RBFOX1: variants seen among roughly 807,000 people sequenced by gnomAD.
RBFOX1 encodes RNA binding fox-1 homolog 1.
RBFOX1 carries 8 observed loss-of-function variants against 57.7 expected under a neutral mutation model. The ratio of observed to expected loss-of-function variants is 0.14; its 90% CI spans 0.08 to 0.25. The LOEUF (loss-of-function observed/expected upper bound fraction) is 0.25. RBFOX1 is among the 10% of genes least tolerant of loss of function. The pLI, the probability that RBFOX1 is intolerant of heterozygous loss-of-function variation, is 1.00. For missense variants in RBFOX1, 611 were observed against 548.5 expected (o/e 1.11, Z -1.14); for synonymous variants, 326 against 222.4 (o/e 1.47, Z -4.15).
At chr16:5,310,472 A>G (rs1224410555) in intron 1 of RBFOX1, among the ~76,000 whole-genome samples, 2 of 152,084 alleles carry the variant, frequency 1.3e-5, no homozygotes, top group African/African-American at 4.8e-5. Flanking sequence ...TTCCAGGTAT[A>G]GTGAACTCAG....
At chr16:6,761,679 G>C (rs1232747372) in intron 3 of RBFOX1, among the ~76,000 whole-genome samples, 2 of 151,186 alleles carry the variant, frequency 1.3e-5, no homozygotes, top group Non-Finnish European at 3.0e-5. Context: ...GCTAATATTT[G>C]TATTTTTAGT....
At chr16:5,614,884 A>C (rs886239288) in intron 3 of RBFOX1, among the ~76,000 whole-genome samples, 2 of 152,210 alleles carry the variant, frequency 1.3e-5, no homozygotes, top group Non-Finnish European at 2.9e-5. Context: ...ACATGACATG[A>C]CAGAGGAGGA....
At chr16:7,511,481 C>T (rs1356820090) in intron 4 of RBFOX1, among the ~76,000 whole-genome samples, 1 of 152,160 alleles carries the variant, frequency 6.6e-6, no homozygotes, top group East Asian at 1.9e-4. Context: ...ATTCTCTGAG[C>T]ATCAGAAGAG....
chr16:7,545,202 T>G (rs2084089212), intron 5 of RBFOX1, among the ~76,000 whole-genome samples: 1 of 152,152 alleles, frequency 6.6e-6, no homozygotes, highest in Admixed American at 6.6e-5. Context: ...ACGGTTAAAG[T>G]AAAGGTTGTT....
chr16:6,762,810 A>C (rs571202487), intron 3 of RBFOX1, among the ~76,000 whole-genome samples: 1 of 152,290 alleles, frequency 6.6e-6, no homozygotes, highest in Admixed American at 6.5e-5. Context: ...GGCAATTGCA[A>C]AATAAAAACC....
At chr16:7,360,155 T>G (rs935707342) in intron 4 of RBFOX1, among the ~76,000 whole-genome samples, 1 of 152,220 alleles carries the variant, frequency 6.6e-6, no homozygotes, top group African/African-American at 2.4e-5. Context: ...ATGTATATAC[T>G]ATTTAATACG....
At chr16:6,969,018 C>G (rs931707580) in intron 3 of RBFOX1, among the ~76,000 whole-genome samples, 1 of 152,086 alleles carries the variant, frequency 6.6e-6, no homozygotes, top group African/African-American at 2.4e-5. Flanking sequence ...ATGTTAGAAT[C>G]TCCCACTTTT....
intron 4 of RBFOX1, among the ~76,000 whole-genome samples, chr16:5,888,447 C>G (rs11645029): frequency 0.45 from 68,984 of 151,892 alleles, 15,834 homozygotes; most frequent in African/African-American, 0.46. Flanking sequence ...GTCACAGTGT[C>G]CTGCTGTGTT....
chr16:6,585,170 A>G (rs1295833241), intron 2 of RBFOX1, among the ~76,000 whole-genome samples: 5 of 152,230 alleles, frequency 3.3e-5, no homozygotes, highest in Admixed American at 3.3e-4. Flanking sequence ...AGGCAGTGCC[A>G]GGAATCCTAA....
At chr16:5,246,018 C>G (rs772529155) in intron 1 of RBFOX1, among the ~76,000 whole-genome samples, 22 of 152,140 alleles carry the variant, frequency 1.4e-4, no homozygotes, top group Non-Finnish European at 3.2e-4. Context: ...CCGAGGCCGT[C>G]GGATCACCCA....
intron 2 of RBFOX1, among the ~76,000 whole-genome samples, chr16:6,521,478 C>A (rs1020732020): frequency 2.3e-5 from 3 of 129,320 alleles, no homozygotes; most frequent in African/African-American, 8.6e-5. Flanking sequence ...CTCTTCTCTT[C>A]CTCTCCCCTC....
chr16:7,327,004 A>T, intron 4 of RBFOX1, among the ~76,000 whole-genome samples: 1 of 152,182 alleles, frequency 6.6e-6, no homozygotes, highest in South Asian at 2.1e-4. Flanking sequence ...ATTTGAGCCA[A>T]TCTGCCTTCT....
At chr16:5,817,980 G>A (rs62014132) in intron 3 of RBFOX1, among the ~76,000 whole-genome samples, 21,260 of 151,834 alleles carry the variant, frequency 0.14, 2,045 homozygotes, top group East Asian at 0.46. Context: ...GTGAGCCACC[G>A]CGCCTGGCCA....
At chr16:5,815,789 A>T (rs187909746) in intron 3 of RBFOX1, among the ~76,000 whole-genome samples, 3 of 152,352 alleles carry the variant, frequency 2.0e-5, no homozygotes, top group Admixed American at 1.3e-4. Context: ...CCTTCTCAGG[A>T]AACAGTGGAG....
At chr16:6,843,342 G>T (rs1439841489) in intron 3 of RBFOX1, among the ~76,000 whole-genome samples, 1 of 151,096 alleles carries the variant, frequency 6.6e-6, no homozygotes, top group African/African-American at 2.4e-5. Context: ...CATATTCCAG[G>T]GAGGAAAAAA....
chr16:7,228,811 C>G (rs113668214), intron 4 of RBFOX1, among the ~76,000 whole-genome samples: 697 of 152,278 alleles, frequency 4.6e-3, no homozygotes, highest in Non-Finnish European at 8.1e-3. Flanking sequence ...GGATTAAAAA[C>G]ATAATCTCTC....
intron 2 of RBFOX1, among the ~76,000 whole-genome samples, chr16:6,647,187 G>A (rs1287508633): frequency 6.6e-6 from 1 of 152,166 alleles, no homozygotes; most frequent in Non-Finnish European, 1.5e-5. Context: ...GAGAGAGAGA[G>A]AGAGAAAATG....
In RBFOX1 at chr16:5,951,855, T is replaced by C. The variant is rs181993190; in HGVS notation, c.351+84520T>C. Among the ~76,000 whole-genome samples, 675 of 140,652 alleles carry C rather than the reference T, an allele frequency of 4.8e-3. 5 individuals are homozygous for C. The highest frequency in any genetic ancestry group is 0.019 in the African/African-American group (595 of 31,016). 92.3% of individuals were successfully genotyped at this position (140,652 alleles called of 152,430 possible). A position where few individuals can be genotyped will look rare whatever the true frequency, so the allele number is the denominator to read the frequency against. On this transcript the variant is annotated intron_variant, in intron 4 of 19. Coordinates refer to the RBFOX1 transcript ENST00000641259. ...ATTTTCCAAAAGTAGTGTGTGCGCG[T>C]GTGTGTGTGTATATATGTGTTTGTG...
intron 1 of RBFOX1, among the ~76,000 whole-genome samples, chr16:5,367,781 C>A (rs952135117): frequency 6.6e-6 from 1 of 152,228 alleles, no homozygotes; most frequent in South Asian, 2.1e-4. Context: ...GATGCCTTGC[C>A]CATGGTCCCA....
Sources: allele counts gnomAD v4.1 joint callset (sites outside exome capture counted in the v4.1 genomes callset), GRCh38; gene constraint gnomAD v4.1.1; transcripts MANE v1.5; gene names NCBI Gene and HGNC (gene_info 2026-07-23, HGNC 2026-07-21).